Variants in ZNF331 observed in about 807,000 individuals in gnomAD.
ZNF331 encodes zinc finger protein 331.
Under a neutral mutation model 7.0 loss-of-function variants are expected in ZNF331, and 2 were observed. The observed-to-expected ratio is 0.29, with a 90% CI of 0.12 to 0.90. The LOEUF is 0.90. Ranked by LOEUF, ZNF331 falls within the 40% of genes least tolerant of loss-of-function variation. The probability of loss-of-function intolerance (pLI) is 0.58; values close to 1 mark genes in which losing one functional copy is unlikely to be tolerated. For missense variants in ZNF331, 432 were observed against 587.7 expected (o/e 0.74, Z 2.74); for synonymous variants, 196 against 205.4 (o/e 0.95, Z 0.39).
Position 53,573,020 on chromosome 19 carries a change from A to T in ZNF331, c.136+1290A>T. Reference sequence around the variant, plus strand: ...GATCACTGGAGGTCAGGAGTTAGAGACCAGCCTGGCCAACATGGTGAAACC... The same window carrying T: ...GATCACTGGAGGTCAGGAGTTAGAGTCCAGCCTGGCCAACATGGTGAAACC... On this transcript the variant is annotated intron_variant, in intron 5 of 5. Transcript: ENST00000449416. This position sits in a 1 kb window ranked among gnomAD's most constrained non-coding sequence, Gnocchi z 4.2. Among the ~76,000 whole-genome samples the T allele has an allele frequency of 6.6e-6, 1 of 151,978 alleles. No homozygotes were observed. Among genetic ancestry groups the T allele is most frequent in the East Asian group, 1.9e-4 (1 of 5,186 alleles).
rs768582455 is a variant in ZNF331 at position 53,577,295 on chromosome 19, C to T, written c.735C>T (p.Cys245=). The part of the protein sequence containing the change: ...RFHTGEKDYE[C]KDCGKTFSRV... ...ACACTGGGGAGAAAGACTACGAATGCAAAGACTGTGGGAAGACCTTTAGCC... is the reference window on the plus strand; with the variant it reads ...ACACTGGGGAGAAAGACTACGAATGTAAAGACTGTGGGAAGACCTTTAGCC... The change falls in exon 6 of 6, where the codon TGC becomes TGT. Residue 245 remains cysteine (C), a synonymous_variant. Coordinates refer to ENST00000449416, the MANE Select transcript of ZNF331 (RefSeq NM_001079906.2). 3.1e-6 allele frequency: 5 copies of T among 1,612,638 alleles called. No homozygotes were observed. Among genetic ancestry groups the T allele is most frequent in the East Asian group, 2.2e-5 (1 of 44,732 alleles).
At chr19:53,535,522 A>G (rs1444259501), upstream of ZNF331, among the ~76,000 whole-genome samples, 1 of 152,186 alleles carries the variant, frequency 6.6e-6, no homozygotes, top group Non-Finnish European at 1.5e-5. Flanking sequence ...TAATCATGTA[A>G]ATGAGGCAAA....
intron 2 of ZNF331, among the ~76,000 whole-genome samples, chr19:53,541,970 C>G (rs1404663972): frequency 6.6e-6 from 1 of 151,388 alleles, no homozygotes. Flanking sequence ...CCATTGCACT[C>G]TAGCCTGGGC....
chr19:53,522,411 A>G (rs2087121469), intron 1 of ZNF331, among the ~76,000 whole-genome samples: 1 of 151,724 alleles, frequency 6.6e-6, no homozygotes, highest in Non-Finnish European at 1.5e-5. Context: ...TAATTTTTGT[A>G]TTTTTAGTAG....
intron 2 of ZNF331, among the ~76,000 whole-genome samples, chr19:53,549,138 G>T (rs1389971996): frequency 6.6e-6 from 1 of 152,122 alleles, no homozygotes; most frequent in Non-Finnish European, 1.5e-5. Context: ...TAAGGGTCCA[G>T]TTGCATTCTT....
intron 3 of ZNF331, among the ~76,000 whole-genome samples, chr19:53,559,619 C>T (rs1434019936): frequency 7.8e-6 from 1 of 128,748 alleles, no homozygotes; most frequent in Non-Finnish European, 1.7e-5. Flanking sequence ...CCCATATATA[C>T]ACACATATAC....
Position 53,564,070 on chromosome 19 carries a change from CATT to C in ZNF331, c.-73-5233_-73-5231del, listed in dbSNP as rs1197010190. On this transcript the variant is annotated intron_variant, in intron 3 of 5. Transcript: ENST00000449416. Reference sequence around the variant, plus strand: ...AAAAAAAAAAAGAGCACAGAGCCTGCATTCTTTTTTTTTTTTTTTTTTTTTGAG... The same window carrying C: ...AAAAAAAAAAAGAGCACAGAGCCTGCCTTTTTTTTTTTTTTTTTTTTTGAG... Among the ~76,000 whole-genome samples, 776 of 103,464 alleles carry C rather than the reference CATT, an allele frequency of 7.5e-3. 22 individuals are homozygous for C. The highest frequency in any genetic ancestry group is 0.028 in the African/African-American group (738 of 25,926). The allele number at this position is 103,464 out of a possible 152,430, so 67.9% of individuals were successfully genotyped here.
chr19:53,529,141 G>A (rs1179058958), intron 2 of ZNF331, among the ~76,000 whole-genome samples: 1 of 152,076 alleles, frequency 6.6e-6, no homozygotes, highest in African/African-American at 2.4e-5. Context: ...GGTGGCTCAC[G>A]CCTATAATCC....
At chr19:53,514,221 C>T in the ZNF331 span, among the ~76,000 whole-genome samples, 6 of 150,602 alleles carry the variant, frequency 4.0e-5, no homozygotes, top group South Asian at 2.1e-4. Context: ...TTTTTTGAGA[C>T]GGAGTCCTGC....
chr19:53,533,761 G>A (rs903981808), upstream of ZNF331, among the ~76,000 whole-genome samples: 2 of 151,970 alleles, frequency 1.3e-5, no homozygotes, highest in Non-Finnish European at 2.9e-5. Context: ...TCTTCTTATA[G>A]TTTTTGACTT....
At chr19:53,541,781 A>T (rs55749214) in intron 2 of ZNF331, among the ~76,000 whole-genome samples, 88,433 of 152,034 alleles carry the variant, frequency 0.58, 26,386 homozygotes, top group African/African-American at 0.69. Context: ...CCAAAGCGGG[A>T]TGATCACTTG....
At chr19:53,557,705 G>A (rs920521494) in intron 3 of ZNF331, among the ~76,000 whole-genome samples, 2 of 150,854 alleles carry the variant, frequency 1.3e-5, no homozygotes, top group Non-Finnish European at 2.9e-5. Context: ...GCCCACACTT[G>A]TAATCCCAGG....
the ZNF331 span, among the ~76,000 whole-genome samples, chr19:53,506,410 TC>T: frequency 1.1e-3 from 86 of 80,006 alleles, 1 homozygote; most frequent in African/African-American, 2.7e-3. Flanking sequence ...ACTCTCTCTC[TC>T]CTCTCTCTCT....
upstream of ZNF331, among the ~76,000 whole-genome samples, chr19:53,534,126 G>C (rs73049593): frequency 0.072 from 11,030 of 152,208 alleles, 527 homozygotes; most frequent in Non-Finnish European, 0.11. Context: ...TCAAGATCAG[G>C]GGGTGACATC....
chr19:53,557,813 A>C, intron 3 of ZNF331, among the ~76,000 whole-genome samples: 1 of 152,082 alleles, frequency 6.6e-6, no homozygotes, highest in East Asian at 1.9e-4. Context: ...AAAATACAAA[A>C]ATTAGCTGGG....
At position 53,579,962 on chromosome 19, in the gene ZNF331, A is replaced by C; in HGVS notation, c.*2010A>C. 1 of 206,136 alleles carries C rather than the reference A, an allele frequency of 4.9e-6. No individual in the cohort carries two copies. Among genetic ancestry groups the C allele is most frequent in the Non-Finnish European group, 9.9e-6 (1 of 100,948 alleles). 12.8% of individuals were successfully genotyped at this position (206,136 alleles called of 1,614,324 possible). On this transcript the variant is annotated 3_prime_UTR_variant, in exon 6 of 6. Transcript: ENST00000449416. ...GCACGTCTCAACAGAAGACCACCAA[A>C]TGGCCAATAAGTAAGTGAAAATGTA...
intron 3 of ZNF331, among the ~76,000 whole-genome samples, chr19:53,556,271 T>C (rs8111865): frequency 0.74 from 107,593 of 145,456 alleles, 40,676 homozygotes; most frequent in African/African-American, 0.89. Context: ...AAGGAAATCC[T>C]ATTGAATTAG....
At chr19:53,518,684 TAAAC>T (rs1322947345), upstream of ZNF331, among the ~76,000 whole-genome samples, 2 of 152,200 alleles carry the variant, frequency 1.3e-5, no homozygotes, top group Non-Finnish European at 2.9e-5. Flanking sequence ...CATTTCACAA[TAAAC>T]AAAGTAATGT....
At chr19:53,511,813 A>G in the ZNF331 span, 1 of 152,208 alleles carries the variant, frequency 6.6e-6, no homozygotes, top group Non-Finnish European at 1.5e-5. Context: ...ATTTGCTGTG[A>G]TTCTACAGAA....
Sources: gnomAD v4.1 joint callset for allele counts (sites outside exome capture counted in the v4.1 genomes callset) on GRCh38, gnomAD v4.1.1 for gene constraint, Gnocchi (gnomAD v3.1) non-coding constraint, MANE v1.5 for transcripts, NCBI Gene and HGNC (gene_info 2026-07-23, HGNC 2026-07-21) for gene names.